The following PRDM16 variants were observed in gnomAD, a reference collection of about 807,000 sequenced individuals.
PRDM16 encodes histone-lysine N-methyltransferase PRDM16.
A neutral mutation model predicts 110.6 loss-of-function variants in PRDM16; 23 were observed. That is an observed-to-expected ratio of 0.21 (90% confidence interval 0.15 to 0.29). The LOEUF (loss-of-function observed/expected upper bound fraction) is 0.29. Ranked by LOEUF, PRDM16 falls within the 10% of genes least tolerant of loss-of-function variation. The pLI, the probability that PRDM16 is intolerant of heterozygous loss-of-function variation, is 1.00. For synonymous variants in PRDM16, 799 were observed against 781.8 expected, an observed-to-expected ratio of 1.02 and a Z score of -0.37; for missense variants, 1,615 against 1,794.3, an observed-to-expected ratio of 0.90 and a Z score of 1.81.
Position 3,433,805 on chromosome 1 carries a change from C to T in PRDM16, c.3825C>T (p.His1275=), listed in dbSNP as rs761472432. 5 of 1,613,118 alleles carry T rather than the reference C, an allele frequency of 3.1e-6. No homozygotes were observed. Among genetic ancestry groups the T allele is most frequent in the Middle Eastern group, 1.6e-4 (1 of 6,062 alleles). The change falls in exon 17 of 17, where the codon CAC becomes CAT. Residue 1275 remains histidine (H), a synonymous_variant. Transcript: ENST00000270722. ...CTGGAGCATTTCACCCCATCAACCACCTCTGACGGGCTGGGCAGCCGGGGG... is the reference window on the plus strand; with the variant it reads ...CTGGAGCATTTCACCCCATCAACCATCTCTGACGGGCTGGGCAGCCGGGGG... The part of the protein sequence containing the change: ...SESGAFHPIN[H]L
Position 3,275,375 on chromosome 1 carries a change from G to A in PRDM16, c.438+31238G>A, listed in dbSNP as rs540384032. Among the ~76,000 whole-genome samples the A allele has an allele frequency of 5.9e-5, 9 of 152,288 alleles. No homozygotes were observed. In the East Asian group the frequency reaches 9.7e-4, roughly 16 times the overall value. ...ATAGACACAGGCCAACCCAGCCTTC[G>A]CTCCTTCCTGCCTGCCTGTCTCTCC... On this transcript the variant is annotated intron_variant, in intron 3 of 16. Transcript: ENST00000270722.
At chr1:3,199,040 G>A (rs1296493012) in intron 2 of PRDM16, among the ~76,000 whole-genome samples, 1 of 152,138 alleles carries the variant, frequency 6.6e-6, no homozygotes, top group Non-Finnish European at 1.5e-5. Context: ...TTTACAAGTA[G>A]AAGCGGCCTT....
chr1:3,328,887 C>A (rs186639080), intron 3 of PRDM16, among the ~76,000 whole-genome samples: 1 of 152,158 alleles, frequency 6.6e-6, no homozygotes, highest in Non-Finnish European at 1.5e-5. Flanking sequence ...CTGGACCCCC[C>A]GTTCAGATTC....
chr1:3,324,583 C>A (rs1251278583), intron 3 of PRDM16, among the ~76,000 whole-genome samples: 2 of 152,142 alleles, frequency 1.3e-5, no homozygotes, highest in Non-Finnish European at 2.9e-5. Context: ...AACAGCCGAG[C>A]GACCTGGCAC....
intron 3 of PRDM16, among the ~76,000 whole-genome samples, chr1:3,335,851 G>A (rs1217894871): frequency 6.6e-6 from 1 of 152,182 alleles, no homozygotes; most frequent in Non-Finnish European, 1.5e-5. Flanking sequence ...AGGCCCGGGG[G>A]CCAAGTGCCC....
chr1:3,420,788 G>A (rs967068606), intron 12 of PRDM16, among the ~76,000 whole-genome samples: 4 of 152,150 alleles, frequency 2.6e-5, no homozygotes, highest in African/African-American at 9.7e-5. Flanking sequence ...CGGGATTTGG[G>A]TTGGAGAAGC....
At chr1:3,356,510 G>C (rs1326704734) in intron 3 of PRDM16, among the ~76,000 whole-genome samples, 2 of 152,202 alleles carry the variant, frequency 1.3e-5, no homozygotes, top group Non-Finnish European at 2.9e-5. Flanking sequence ...GTCAGAGGAG[G>C]CTGCCCCCAG....
intron 3 of PRDM16, among the ~76,000 whole-genome samples, chr1:3,355,102 G>T (rs1004321315): frequency 2.6e-5 from 4 of 152,100 alleles, no homozygotes; most frequent in Admixed American, 2.6e-4. Flanking sequence ...CAGGCCTCTC[G>T]CCTTGAGACC....
intron 3 of PRDM16, among the ~76,000 whole-genome samples, chr1:3,340,795 A>G (rs1041471643): frequency 1.3e-5 from 2 of 152,192 alleles, no homozygotes; most frequent in African/African-American, 2.4e-5. Context: ...AACAGCCAAA[A>G]TGGTGTCAGG....
At position 3,209,629 on chromosome 1, in the gene PRDM16, T is replaced by C. The variant is rs1446991379; in HGVS notation, c.387+23155T>C. Among the ~76,000 whole-genome samples the C allele has an allele frequency of 6.6e-6, 1 of 152,172 alleles. No individual in the cohort carries two copies. Among genetic ancestry groups the C allele is most frequent in the African/African-American group, 2.4e-5 (1 of 41,426 alleles). On this transcript the variant is annotated intron_variant, in intron 2 of 16. Coordinates refer to ENST00000270722, the MANE Select transcript of PRDM16 (RefSeq NM_022114.4). This position sits in a 1 kb window ranked among gnomAD's most constrained non-coding sequence, Gnocchi z 4.6. ...GTCCTGGAACCTCACTTCGGGATCC[T>C]TTGTCGAGACCAATTGGCCACAAAT...
intron 1 of PRDM16, among the ~76,000 whole-genome samples, chr1:3,128,876 T>C (rs1643267330): frequency 6.6e-6 from 1 of 152,182 alleles, no homozygotes; most frequent in Non-Finnish European, 1.5e-5. Context: ...CTAACACCAG[T>C]CCTGGGGAGC....
intron 3 of PRDM16, among the ~76,000 whole-genome samples, chr1:3,248,053 C>T (rs1193609439): frequency 7.2e-5 from 11 of 152,166 alleles, no homozygotes; most frequent in Admixed American, 7.2e-4. Flanking sequence ...GCTTTGGGGA[C>T]GAATCAAGAG....
rs207197 is a variant in PRDM16 at position 3,154,147 on chromosome 1, G to A, written c.38-31978G>A. On this transcript the variant is annotated intron_variant, in intron 1 of 16. Transcript: ENST00000270722. ...CCTGCTGCTGTTTCCCATGTGCACC[G>A]CTGTGGCTGTCACCGGGACCTGCCA... 3.5e-4 allele frequency among the ~76,000 whole-genome samples: 54 copies of A among 152,280 alleles called. 1 individual carries two copies. The highest frequency in any genetic ancestry group is 2.9e-3 in the East Asian group (15 of 5,162).
intron 2 of PRDM16, among the ~76,000 whole-genome samples, chr1:3,220,191 G>A (rs964276174): frequency 6.6e-5 from 10 of 152,132 alleles, no homozygotes; most frequent in African/African-American, 9.7e-5. Flanking sequence ...CCGTCACTCC[G>A]TCTGCGGCAC....
intron 1 of PRDM16, among the ~76,000 whole-genome samples, chr1:3,181,754 A>AC (rs1644203549): frequency 7.5e-6 from 1 of 133,454 alleles, no homozygotes; most frequent in African/African-American, 2.8e-5. Flanking sequence ...AGTCTTACAC[A>AC]CGGTCTTACA....
chr1:3,193,180 T>G (rs1370750850), intron 2 of PRDM16, among the ~76,000 whole-genome samples: 2 of 152,162 alleles, frequency 1.3e-5, no homozygotes, highest in East Asian at 3.9e-4. Flanking sequence ...GCTTTGGGTG[T>G]GTTGCAGGCA....
At chr1:3,320,538 T>C (rs963144479) in intron 3 of PRDM16, among the ~76,000 whole-genome samples, 4 of 152,262 alleles carry the variant, frequency 2.6e-5, no homozygotes, top group Non-Finnish European at 5.9e-5. Flanking sequence ...CAGGTCACTG[T>C]TATTATCGTC....
At chr1:3,366,654 G>A (rs1390723011) in intron 3 of PRDM16, among the ~76,000 whole-genome samples, 3 of 152,194 alleles carry the variant, frequency 2.0e-5, no homozygotes, top group Non-Finnish European at 4.4e-5. Flanking sequence ...GAGAGAAAAA[G>A]GCCGTCGCAC....
intron 3 of PRDM16, among the ~76,000 whole-genome samples, chr1:3,326,008 CAT>C (rs1408083659): frequency 9.5e-5 from 13 of 137,104 alleles, no homozygotes; most frequent in African/African-American, 3.8e-4. Flanking sequence ...CCCCCTTGGC[CAT>C]CCTCGACCAT....
Sources: allele counts gnomAD v4.1 joint callset (sites outside exome capture counted in the v4.1 genomes callset), GRCh38; gene constraint gnomAD v4.1.1; non-coding constraint Gnocchi (gnomAD v3.1); transcripts MANE v1.5; gene names NCBI Gene and HGNC (gene_info 2026-07-23, HGNC 2026-07-21).